SPIDR: variants seen among roughly 807,000 people sequenced by gnomAD.
SPIDR encodes scaffold protein involved in DNA repair, also known as DNA repair-scaffolding protein.
Under a neutral mutation model 104.6 loss-of-function variants are expected in SPIDR, and 93 were observed. The observed-to-expected ratio is 0.89, with a 90% confidence interval of 0.75 to 1.06. The LOEUF (loss-of-function observed/expected upper bound fraction) is 1.06, where lower values mean the gene tolerates loss of function less well. SPIDR is among the 50% of genes least tolerant of loss of function. SPIDR has a pLI of 0.00. For missense variants in SPIDR, 1,154 were observed against 1,111.2 expected (o/e 1.04, Z -0.55); for synonymous variants, 431 against 416.9 (o/e 1.03, Z -0.41).
intron 1 of SPIDR, among the ~76,000 whole-genome samples, chr8:47,262,062 C>T (rs1437637584): frequency 6.6e-6 from 1 of 152,128 alleles, no homozygotes; most frequent in Admixed American, 6.5e-5. Flanking sequence ...GTGTTCGTGC[C>T]ATGTTCTAAT....
At chr8:47,261,779 C>A (rs1434530651) in intron 1 of SPIDR, among the ~76,000 whole-genome samples, 1 of 152,142 alleles carries the variant, frequency 6.6e-6, no homozygotes, top group Non-Finnish European at 1.5e-5. Flanking sequence ...TTCTCAAATA[C>A]CATTGATTAT....
intron 5 of SPIDR, among the ~76,000 whole-genome samples, chr8:47,377,268 A>C (rs1380051929): frequency 6.6e-6 from 1 of 152,230 alleles, no homozygotes. Flanking sequence ...AAATGATAGG[A>C]AATGTGATAA....
At chr8:47,358,285 A>G (rs76216243) in intron 5 of SPIDR, among the ~76,000 whole-genome samples, 5,457 of 151,986 alleles carry the variant, frequency 0.036, 352 homozygotes, top group Admixed American at 0.15. Context: ...ATAGAGTTTC[A>G]CTATGTTGCC....
At chr8:47,376,535 T>C (rs2058680327) in intron 5 of SPIDR, among the ~76,000 whole-genome samples, 1 of 152,196 alleles carries the variant, frequency 6.6e-6, no homozygotes, top group Admixed American at 6.5e-5. Context: ...TGATTTGTTG[T>C]GAAGCATTAG....
chr8:47,341,981 T>A (rs2050840650), intron 5 of SPIDR, among the ~76,000 whole-genome samples: 1 of 152,204 alleles, frequency 6.6e-6, no homozygotes, highest in African/African-American at 2.4e-5. Flanking sequence ...AGCTCTGCCT[T>A]CTATCGGGCT....
chr8:47,402,320 C>T (rs2062019230), intron 6 of SPIDR, among the ~76,000 whole-genome samples: 2 of 152,110 alleles, frequency 1.3e-5, no homozygotes, highest in African/African-American at 2.4e-5. Context: ...CCAACACATT[C>T]AAAAGCTAGC....
At chr8:47,432,200 AAC>A (rs1404194916) in intron 7 of SPIDR, among the ~76,000 whole-genome samples, 1 of 152,368 alleles carries the variant, frequency 6.6e-6, no homozygotes, top group African/African-American at 2.4e-5. Context: ...CAAAAGAAAA[AAC>A]AATATAAACA....
intron 8 of SPIDR, among the ~76,000 whole-genome samples, chr8:47,545,574 T>C (rs911098545): frequency 1.3e-5 from 2 of 152,162 alleles, no homozygotes; most frequent in South Asian, 4.1e-4. Flanking sequence ...TCATGTCATC[T>C]GTAAATAGGT....
chr8:47,485,373 A>T (rs962982540), intron 8 of SPIDR, among the ~76,000 whole-genome samples: 2 of 152,240 alleles, frequency 1.3e-5, no homozygotes, highest in South Asian at 4.1e-4. Context: ...AACTGGGTGG[A>T]GCCCACGACA....
chr8:47,312,006 G>C (rs1416675401), intron 5 of SPIDR, among the ~76,000 whole-genome samples: 1 of 152,140 alleles, frequency 6.6e-6, no homozygotes, highest in Non-Finnish European at 1.5e-5. Context: ...TGCTGAGAAT[G>C]ATGGTTTCCA....
rs79928326 is a variant in SPIDR at position 47,673,196 on chromosome 8, A to T, written c.1545-605A>T. ...TAAATAGGCTCTCATGAGTAACATC[A>T]TCTAAACTTAAAAGCTGGGGGGAAT... On this transcript the variant is annotated intron_variant, in intron 10 of 19. Transcript: ENST00000297423. Among the ~76,000 whole-genome samples the T allele has an allele frequency of 3.6e-3, 542 of 152,362 alleles. 8 individuals carry two copies. Among genetic ancestry groups the T allele is most frequent in the African/African-American group, 0.012 (513 of 41,588 alleles).
chr8:47,344,040 A>T (rs1348317046), intron 5 of SPIDR, among the ~76,000 whole-genome samples: 1 of 151,490 alleles, frequency 6.6e-6, no homozygotes, highest in Non-Finnish European at 1.5e-5. Context: ...ACATGTGTAT[A>T]CATGTGCCAT....
chr8:47,440,618 C>A (rs891013799), intron 8 of SPIDR, 76 bp downstream of exon 8: 78 of 1,449,962 alleles, frequency 5.4e-5, no homozygotes, highest in Non-Finnish European at 6.9e-5. Context: ...TTATCAGTTA[C>A]ATTTTTGTCA....
chr8:47,271,645 T>C (rs1450806066), intron 1 of SPIDR, among the ~76,000 whole-genome samples: 2 of 152,068 alleles, frequency 1.3e-5, no homozygotes, highest in African/African-American at 4.8e-5. Flanking sequence ...TTGGATATAG[T>C]TTCCTTTATT....
At chr8:47,302,397 C>T (rs1259119495) in intron 5 of SPIDR, among the ~76,000 whole-genome samples, 1 of 152,070 alleles carries the variant, frequency 6.6e-6, no homozygotes, top group Non-Finnish European at 1.5e-5. Context: ...CGAAGTTCCT[C>T]CTTTAGCTCG....
chr8:47,306,291 C>T (rs1447247797), intron 5 of SPIDR, among the ~76,000 whole-genome samples: 1 of 152,060 alleles, frequency 6.6e-6, no homozygotes, highest in African/African-American at 2.4e-5. Context: ...TAGGCGCACG[C>T]CACCACGCCT....
chr8:47,353,819 C>T (rs542393676), intron 5 of SPIDR, among the ~76,000 whole-genome samples: 16 of 151,776 alleles, frequency 1.1e-4, no homozygotes, highest in Middle Eastern at 3.4e-3. Context: ...GCTGCCAGCC[C>T]GGGTCAAGTT....
At chr8:47,399,432 T>G (rs1322044063) in intron 6 of SPIDR, among the ~76,000 whole-genome samples, 3 of 152,222 alleles carry the variant, frequency 2.0e-5, no homozygotes, top group Admixed American at 6.5e-5. Flanking sequence ...AACTAGTTCT[T>G]TCCGATCAAT....
intron 14 of SPIDR, among the ~76,000 whole-genome samples, chr8:47,712,214 C>T (rs544636564): frequency 6.6e-6 from 1 of 152,200 alleles, no homozygotes; most frequent in East Asian, 1.9e-4. Context: ...AACAAATATG[C>T]GACACCAGCT....
Sources: allele counts gnomAD v4.1 joint callset (sites outside exome capture counted in the v4.1 genomes callset), GRCh38; gene constraint gnomAD v4.1.1; transcripts MANE v1.5; gene names NCBI Gene and HGNC (gene_info 2026-07-23, HGNC 2026-07-21).